The following SOX5 variants were observed in gnomAD, a reference collection of about 807,000 sequenced individuals.
SOX5 encodes the protein SRY-box transcription factor 5.
SOX5 carries 9 observed loss-of-function variants against 92.0 expected under a neutral mutation model. That is an observed-to-expected ratio of 0.10 (90% CI 0.06 to 0.17). SOX5 has a LOEUF of 0.17. Ranked by LOEUF, SOX5 falls within the 10% of genes least tolerant of loss-of-function variation. SOX5 has a pLI of 1.00. For missense variants in SOX5, 642 were observed against 944.5 expected, an observed-to-expected ratio of 0.68 and a Z score of 4.20; for synonymous variants, 344 against 336.3, an observed-to-expected ratio of 1.02 and a Z score of -0.25.
intron 8 of SOX5, among the ~76,000 whole-genome samples, chr12:23,627,919 C>T (rs562313868): frequency 6.0e-5 from 9 of 150,532 alleles, no homozygotes; most frequent in South Asian, 2.1e-4. Flanking sequence ...AACTGGTTAC[C>T]GTGCAAATAT....
chr12:23,882,137 C>T lies in SOX5; in HGVS notation c.270+13656G>A, dbSNP rs528553826. 7.2e-4 allele frequency among the ~76,000 whole-genome samples: 109 copies of T among 152,144 alleles called. 2 individuals carry two copies. Among genetic ancestry groups the T allele is most frequent in the African/African-American group, 2.3e-3 (96 of 41,504 alleles). ...CGCAACATGTCAGATTTCTAACAGG[C>T]GAGCTGTTATATTATAAAAATCCAC... On this transcript the variant is annotated intron_variant, in intron 2 of 14. Transcript: ENST00000451604.
chr12:23,546,530 A>G (rs1943162821), intron 11 of SOX5, 106 bp from the exon 12 acceptor site: 3 of 653,700 alleles, frequency 4.6e-6, no homozygotes, highest in Non-Finnish European at 5.3e-6. Context: ...AAAGGATGCA[A>G]TGTTGATATA....
intron 2 of SOX5, among the ~76,000 whole-genome samples, chr12:23,888,298 C>G (rs1204407054): frequency 6.6e-6 from 1 of 152,100 alleles, no homozygotes; most frequent in Non-Finnish European, 1.5e-5. Flanking sequence ...CCCCCATTAC[C>G]ACGGCATTGG....
chr12:23,787,227 A>C (rs967033136), intron 3 of SOX5, among the ~76,000 whole-genome samples: 10 of 152,030 alleles, frequency 6.6e-5, no homozygotes, highest in Non-Finnish European at 2.9e-5. Flanking sequence ...TGATAAAACA[A>C]GCATTTAGGA....
At chr12:23,866,546 T>C (rs1266015963) in intron 2 of SOX5, among the ~76,000 whole-genome samples, 1 of 152,212 alleles carries the variant, frequency 6.6e-6, no homozygotes, top group African/African-American at 2.4e-5. Flanking sequence ...TTCTTGTCCA[T>C]TGCCATTTCA....
In SOX5 at chr12:23,975,291, C is replaced by T. The variant is rs115884803; in HGVS notation, c.-1-79267G>A. 1.0e-2 allele frequency among the ~76,000 whole-genome samples: 1,512 copies of T among 151,900 alleles called. 35 individuals carry two copies. Among genetic ancestry groups the T allele is most frequent in the African/African-American group, 0.035 (1,436 of 41,422 alleles). On this transcript the variant is annotated intron_variant, in intron 4 of 4. Transcript: ENST00000446891. The stretch of plus-strand genomic sequence containing the variant: ...GATCCTCGATACTATAACAATAAAC[C>T]AAACCAGAACTTTACTCTTAAGATG...
chr12:23,815,906 CT>C (rs2095981663), intron 3 of SOX5, among the ~76,000 whole-genome samples: 1 of 152,088 alleles, frequency 6.6e-6, no homozygotes. Context: ...GCTTTGCAGG[CT>C]GTACTACTCA....
intron 4 of SOX5, among the ~76,000 whole-genome samples, chr12:23,995,342 C>T (rs1344619823): frequency 6.6e-6 from 1 of 152,106 alleles, no homozygotes; most frequent in Non-Finnish European, 1.5e-5. Flanking sequence ...AAAAAGATAA[C>T]ATTTCATAAA....
At chr12:23,721,473 C>T (rs560547961) in intron 6 of SOX5, among the ~76,000 whole-genome samples, 22 of 151,726 alleles carry the variant, frequency 1.4e-4, no homozygotes, top group Middle Eastern at 3.4e-3. Context: ...TATCCGAGAG[C>T]GTAAACTACC....
At chr12:24,331,873 A>AAAAAAT (rs777785887) in intron 2 of SOX5, among the ~76,000 whole-genome samples, 3 of 141,198 alleles carry the variant, frequency 2.1e-5, no homozygotes, top group Non-Finnish European at 4.8e-5. Context: ...AAAAAAAAAA[A>AAAAAAT]AAGGAAAGAA....
chr12:24,483,622 G>A (rs572220670), intron 1 of SOX5, among the ~76,000 whole-genome samples: 7 of 152,200 alleles, frequency 4.6e-5, no homozygotes, highest in African/African-American at 1.4e-4. Flanking sequence ...GTTGCCTGGC[G>A]ACATAGGTCA....
intron 11 of SOX5, among the ~76,000 whole-genome samples, chr12:23,556,835 C>T (rs1945261424): frequency 1.3e-5 from 2 of 152,140 alleles, no homozygotes; most frequent in African/African-American, 4.8e-5. Context: ...AGGGAAGGAG[C>T]ATGTGTTAGA....
At chr12:24,226,928 G>A (rs1962173424) in intron 3 of SOX5, among the ~76,000 whole-genome samples, 1 of 152,210 alleles carries the variant, frequency 6.6e-6, no homozygotes, top group Admixed American at 6.5e-5. Flanking sequence ...AGAGCTTGGG[G>A]ATAGTTCTCA....
intron 2 of SOX5, among the ~76,000 whole-genome samples, chr12:24,294,838 A>G (rs576633001): frequency 6.6e-6 from 1 of 152,320 alleles, no homozygotes; most frequent in East Asian, 1.9e-4. Context: ...AATCTAATCT[A>G]CAAAAAATTG....
intron 6 of SOX5, among the ~76,000 whole-genome samples, chr12:23,719,459 C>G (rs2092686859): frequency 6.6e-6 from 1 of 152,014 alleles, no homozygotes; most frequent in African/African-American, 2.4e-5. Context: ...TAAAAAGGAG[C>G]TATTTGCCAA....
intron 3 of SOX5, among the ~76,000 whole-genome samples, chr12:23,802,511 A>G (rs2095680532): frequency 2.0e-5 from 3 of 152,112 alleles, no homozygotes; most frequent in South Asian, 4.1e-4. Context: ...TTTTTAACCA[A>G]TTTTGGAGTC....
rs151035399 is a variant in SOX5, at chr12:24,435,013, G to C, written c.-250-66374C>G. ...CGTAAAAGAATGCCCTTTCCTTTTG[G>C]AGACTACATTGCAGATACTTTGACT... is the stretch of plus-strand genomic sequence containing the variant. On this transcript the variant is annotated intron_variant, in intron 1 of 4. Transcript: ENST00000446891. Among the ~76,000 whole-genome samples, 600 of 152,218 alleles carry C rather than the reference G, an allele frequency of 3.9e-3. 3 individuals carry two copies. Among genetic ancestry groups the C allele is most frequent in the African/African-American group, 0.013 (548 of 41,498 alleles).
At chr12:23,951,016 C>CG (rs1945546222), upstream of SOX5, 2 of 691,706 alleles carry the variant, frequency 2.9e-6, no homozygotes, top group Admixed American at 4.2e-5. Flanking sequence ...CACTCACGCA[C>CG]GCTCTCCACT....
intron 6 of SOX5, among the ~76,000 whole-genome samples, chr12:23,691,741 GT>G (rs2088855909): frequency 6.6e-6 from 1 of 152,010 alleles, no homozygotes; most frequent in Non-Finnish European, 1.5e-5. Flanking sequence ...TATTATGTGT[GT>G]CTTTATTAGT....
Sources: gnomAD v4.1 joint callset for allele counts (sites outside exome capture counted in the v4.1 genomes callset) on GRCh38, gnomAD v4.1.1 for gene constraint, MANE v1.5 for transcripts, NCBI Gene and HGNC (gene_info 2026-07-23, HGNC 2026-07-21) for gene names.